The following MTA2 variants were observed in gnomAD, a reference collection of about 807,000 sequenced individuals.
MTA2 encodes metastasis-associated protein MTA2.
Under a neutral mutation model 87.1 loss-of-function variants are expected in MTA2, and 22 were observed. The observed-to-expected ratio is 0.25, with a 90% CI of 0.18 to 0.36. The LOEUF (loss-of-function observed/expected upper bound fraction) is 0.36. MTA2 is among the 10% of genes least tolerant of loss of function. MTA2 has a pLI of 1.00. For synonymous variants in MTA2, 314 were observed against 310.1 expected (o/e 1.01, Z -0.13); for missense variants, 542 against 853.2 (o/e 0.64, Z 4.54).
chr11:62,600,545 C>A, intron 2 of MTA2, 77 bp downstream of exon 2: 2 of 1,338,488 alleles, frequency 1.5e-6, no homozygotes, highest in Non-Finnish European at 2.1e-6. Context: ...AGTATAGGAT[C>A]CTCTCTTCCA....
chr11:62,596,667 C>T lies in MTA2; in HGVS notation c.852G>A (p.Gly284=). The change falls in exon 9 of 18, where the codon GGG becomes GGA. Residue 284 remains glycine, a synonymous_variant. Transcript: ENST00000278823. ...MLFEEALEKY[G]KDFNDIRQDF... ...CCTGGCGAATATCATTGAAGTCCTT[C>T]CCATACTTCTCTAGGGCCTCCTCAA... 2 of 1,613,498 alleles carry T rather than the reference C, an allele frequency of 1.2e-6. No individual in the cohort carries two copies. The highest frequency in any genetic ancestry group is 1.7e-6 in the Non-Finnish European group (2 of 1,179,642).
rs752216655 is a variant in MTA2 at position 62,598,277 on chromosome 11, T to C, written c.372+50A>G. ...ATTGTGCTCCTTTCCCCCTCTCTTTTGCGGGCAATACCCATTCCCCTCGCT... is the reference window on the plus strand; with the variant it reads ...ATTGTGCTCCTTTCCCCCTCTCTTTCGCGGGCAATACCCATTCCCCTCGCT... On this transcript the variant is annotated intron_variant, in intron 5 of 17. Transcript: ENST00000278823. 14 of 1,591,552 alleles carry C rather than the reference T, an allele frequency of 8.8e-6. No homozygotes were observed. In the South Asian group the frequency reaches 1.2e-4, roughly 14 times the overall value.
In MTA2 at chr11:62,593,874, C is replaced by T; in HGVS notation, c.*1G>A. ...AGCCCACCTCCCTTCCCCACAGGTGCTCAGTCCTCCAGGACAATAGGCTCA... is the reference window on the plus strand; with the variant it reads ...AGCCCACCTCCCTTCCCCACAGGTGTTCAGTCCTCCAGGACAATAGGCTCA... On this transcript the variant is annotated 3_prime_UTR_variant, in exon 18 of 18. Coordinates refer to ENST00000278823, the MANE Select transcript of MTA2 (RefSeq NM_004739.4). 2 of 1,614,192 alleles carry T rather than the reference C, an allele frequency of 1.2e-6. No individual in the cohort carries two copies. The highest frequency in any genetic ancestry group is 1.7e-6 in the Non-Finnish European group (2 of 1,180,024).
intron 6 of MTA2, 28 bp from the exon 7 acceptor site, chr11:62,597,740 G>T: frequency 1.3e-6 from 2 of 1,589,572 alleles, no homozygotes; most frequent in South Asian, 1.1e-5. Context: ...GGCATCAACA[G>T]GGAGAGGGCA....
rs965451966 is a variant in MTA2 at position 62,600,815 on chromosome 11, G to A, written c.29-126C>T. ...AGATAAGGATTCAGGTAGAAAGGGCGCTGAGATGTGAAAGTGGACAGACTA... is the reference window on the plus strand; with the variant it reads ...AGATAAGGATTCAGGTAGAAAGGGCACTGAGATGTGAAAGTGGACAGACTA... On this transcript the variant is annotated intron_variant, in intron 1 of 17. Transcript: ENST00000278823. 1.1e-5 allele frequency: 8 copies of A among 736,524 alleles called. No individual in the cohort carries two copies. In the Admixed American group the frequency reaches 1.4e-4, roughly 13 times the overall value. 45.6% of individuals were successfully genotyped at this position (736,524 alleles called of 1,614,324 possible). A position where few individuals can be genotyped will look rare whatever the true frequency, so the allele number is the denominator to read the frequency against.
chr11:62,596,259 C>T lies in MTA2; in HGVS notation c.1016+20G>A, dbSNP rs1235433932. 8.1e-6 allele frequency: 13 copies of T among 1,613,342 alleles called. No homozygotes were observed. Among genetic ancestry groups the T allele is most frequent in the Non-Finnish European group, 8.5e-6 (10 of 1,179,570 alleles). On this transcript the variant is annotated intron_variant, in intron 11 of 17. Coordinates refer to ENST00000278823, the MANE Select transcript of MTA2 (RefSeq NM_004739.4). ...GAAGGGAAGGAAAACACTCTGGTCT[C>T]CCCTACCCACCACACTTACTAGGTG...
rs533373742 is a variant in MTA2 at position 62,601,556 on chromosome 11, G to A, written c.-106C>T. On this transcript the variant is annotated 5_prime_UTR_variant, in exon 1 of 18. Transcript: ENST00000278823. The stretch of plus-strand genomic sequence containing the variant: ...CCGAACGGTGGGCTGCCGCTTCGAG[G>A]GAGTCTCACTGGGGCCCGCGCAGCC... 3.6e-4 allele frequency: 503 copies of A among 1,381,560 alleles called. No individual in the cohort carries two copies. The highest frequency in any genetic ancestry group is 1.1e-3 in the Admixed American group (50 of 44,764). 85.6% of individuals were successfully genotyped at this position (1,381,560 alleles called of 1,614,324 possible). A position where few individuals can be genotyped will look rare whatever the true frequency, so the allele number is the denominator to read the frequency against.
chr11:62,601,400 G>A (rs773268888), intron 1 of MTA2, 23 bp downstream of exon 1: 3 of 1,609,212 alleles, frequency 1.9e-6, no homozygotes, highest in Admixed American at 3.3e-5. Flanking sequence ...CCCGGGCCCC[G>A]TATCCCTGCG....
In MTA2 at chr11:62,600,266, G is replaced by A. The variant is rs780316601; in HGVS notation, c.97-7C>T. On this transcript the variant is annotated splice_polypyrimidine_tract_variant and splice_region_variant and intron_variant, in intron 2 of 17. Transcript: ENST00000278823. ...CCACATTTCCATTTGCAGTCTAAGG[G>A]GAGGAAAAAAACAAAAACAAAACAA... is the stretch of plus-strand genomic sequence containing the variant. 8 of 1,612,970 alleles carry A rather than the reference G, an allele frequency of 5.0e-6. No individual in the cohort carries two copies. In the Admixed American group the frequency reaches 6.7e-5, roughly 13 times the overall value.
Position 62,593,818 on chromosome 11 carries a change from G to T in MTA2, c.*57C>A, listed in dbSNP as rs1027109383. ...TCGACACGAAAGGGAAGGGAGGTTT[G>T]GGTGCCCTGGGCATCCACCCTCTAC... On this transcript the variant is annotated 3_prime_UTR_variant, in exon 18 of 18. Coordinates refer to ENST00000278823, the MANE Select transcript of MTA2 (RefSeq NM_004739.4). The T allele has an allele frequency of 6.2e-7, 1 of 1,601,886 alleles. No individual in the cohort carries two copies. The highest frequency in any genetic ancestry group is 8.5e-7 in the Non-Finnish European group (1 of 1,171,464).
intron 3 of MTA2, among the ~76,000 whole-genome samples, 155 bp from the exon 4 acceptor site, chr11:62,598,794 C>T (rs1942134640): frequency 6.6e-6 from 1 of 152,204 alleles, no homozygotes; most frequent in African/African-American, 2.4e-5. Flanking sequence ...CACCAGCTTT[C>T]CTTCTTAGCT....
chr11:62,598,303 C>A, intron 5 of MTA2, 24 bp downstream of exon 5: 1 of 1,612,368 alleles, frequency 6.2e-7, no homozygotes, highest in East Asian at 2.2e-5. Flanking sequence ...TCCCCTCGCT[C>A]TTCTCTCAAC....
chr11:62,595,907 A>G lies in MTA2; in HGVS notation c.1115-16T>C. ...GACTGTGTGGCTGTAGAGTACGGAG[A>G]GGAGGGGGACAGGGAAGAAGCATAC... On this transcript the variant is annotated splice_polypyrimidine_tract_variant and intron_variant, in intron 12 of 17. Coordinates refer to ENST00000278823, the MANE Select transcript of MTA2 (RefSeq NM_004739.4). The surrounding 1 kb of genome is among the most constrained non-coding windows in gnomAD (Gnocchi z 4.9). 6.2e-7 allele frequency: 1 copy of G among 1,614,096 alleles called. No homozygotes were observed.
In MTA2 at chr11:62,595,722, T is replaced by A. The variant is rs763784714; in HGVS notation, c.1254+30A>T. 5.6e-6 allele frequency: 9 copies of A among 1,612,460 alleles called. No individual in the cohort carries two copies. The highest frequency in any genetic ancestry group is 7.6e-6 in the Non-Finnish European group (9 of 1,179,070). ...CTCACCATCAATATGCTTACTGCTC[T>A]CCCCTGCTTTTCTTCCCACTGATCC... On this transcript the variant is annotated intron_variant, in intron 13 of 17. Transcript: ENST00000278823. This position sits in a 1 kb window ranked among gnomAD's most constrained non-coding sequence, Gnocchi z 4.9.
Position 62,593,850 on chromosome 11 carries a change from G to C in MTA2, c.*25C>G. 1.2e-6 allele frequency: 2 copies of C among 1,613,802 alleles called. No individual in the cohort carries two copies. Among genetic ancestry groups the C allele is most frequent in the Non-Finnish European group, 1.7e-6 (2 of 1,179,884 alleles). Reference sequence around the variant, plus strand: ...CTGGGCATCCACCCTCTACCTCTCAGCCCACCTCCCTTCCCCACAGGTGCT... The same window carrying C: ...CTGGGCATCCACCCTCTACCTCTCACCCCACCTCCCTTCCCCACAGGTGCT... On this transcript the variant is annotated 3_prime_UTR_variant, in exon 18 of 18. Transcript: ENST00000278823.
At chr11:62,594,675 G>A (rs758914188) in intron 15 of MTA2, 41 bp from the exon 16 acceptor site, 11 of 1,561,296 alleles carry the variant, frequency 7.0e-6, no homozygotes, top group Admixed American at 1.7e-5. Flanking sequence ...TTCTTCCCAC[G>A]CAGTTCCCCT....
chr11:62,596,299 T>C lies in MTA2; in HGVS notation c.996A>G (p.Lys332=). 1 of 1,614,092 alleles carries C rather than the reference T, an allele frequency of 6.2e-7. No homozygotes were observed. The highest frequency in any genetic ancestry group is 1.1e-5 in the South Asian group (1 of 91,062). ...CTTACTAGGTGGGAATGTAGACCTG[T>C]TTCAGTTTGCTGTCTGCTTCAGCAG... ...LKAAEADSKL[K]QVYIPTYTKP... Residue 332 remains lysine (K), a synonymous_variant, in exon 11 of 18, where the codon AAA becomes AAG. Transcript: ENST00000278823.
chr11:62,598,446 T>A (rs1942129104), intron 4 of MTA2, 56 bp from the exon 5 acceptor site: 1 of 1,607,174 alleles, frequency 6.2e-7, no homozygotes, highest in African/African-American at 1.3e-5. Flanking sequence ...CCCCACAGCA[T>A]CTCTCAATAC....
At position 62,593,907 on chromosome 11, in the gene MTA2, T is replaced by TG. The variant is rs1360578393; in HGVS notation, c.1974dup (p.Ser659GlnfsTer4). On this transcript the variant is annotated frameshift_variant, in exon 18 of 18. Coordinates refer to ENST00000278823, the MANE Select transcript of MTA2 (RefSeq NM_004739.4). LOFTEE classifies it high-confidence loss of function. ...TCCAGGACAATAGGCTCATTGGTGC[T>TG]GGCAGGATGTGAGGGTGCAGGTAGA... 4 of 1,614,174 alleles carry TG rather than the reference T, an allele frequency of 2.5e-6. No individual in the cohort carries two copies. The highest frequency in any genetic ancestry group is 3.4e-6 in the Non-Finnish European group (4 of 1,180,028).
Sources: gnomAD v4.1 joint callset for allele counts (sites outside exome capture counted in the v4.1 genomes callset) on GRCh38, gnomAD v4.1.1 for gene constraint, Gnocchi (gnomAD v3.1) non-coding constraint, MANE v1.5 for transcripts, NCBI Gene and HGNC (gene_info 2026-07-23, HGNC 2026-07-21) for gene names.